MYO1B: variants seen among roughly 807,000 people sequenced by gnomAD.
MYO1B encodes myosin IB.
A neutral mutation model predicts 159.7 loss-of-function variants in MYO1B; 72 were observed. The ratio of observed to expected loss-of-function variants is 0.45; its 90% confidence interval spans 0.37 to 0.55. MYO1B has a LOEUF of 0.55. Ranked by LOEUF, MYO1B falls within the 20% of genes least tolerant of loss-of-function variation. The pLI is 0.00. For synonymous variants in MYO1B, 468 were observed against 473.8 expected (o/e 0.99, Z 0.16); for missense variants, 1,062 against 1,364.8 (o/e 0.78, Z 3.50).
intron 13 of MYO1B, among the ~76,000 whole-genome samples, chr2:191,380,362 ACCATTACATGTGGGCTCT>A (rs1373137309): frequency 6.6e-6 from 1 of 152,196 alleles, no homozygotes; most frequent in African/African-American, 2.4e-5. Context: ...CTTTGGCTGC[ACCATTACATGTGGGCTCT>A]CCTTCCTCAT....
intron 3 of MYO1B, among the ~76,000 whole-genome samples, chr2:191,299,156 C>T (rs1022477527): frequency 3.3e-5 from 5 of 152,162 alleles, no homozygotes; most frequent in African/African-American, 1.2e-4. Context: ...CCAGAATATA[C>T]ATTTTTATCC....
chr2:191,308,353 C>G (rs538743316), intron 3 of MYO1B, among the ~76,000 whole-genome samples: 11 of 152,308 alleles, frequency 7.2e-5, no homozygotes, highest in Admixed American at 2.0e-4. Flanking sequence ...TCCTGAAATA[C>G]TCGAATCCTG....
Position 191,411,497 on chromosome 2 carries a change from G to A in MYO1B, c.2873+325G>A, listed in dbSNP as rs140185708. 1.5e-3 allele frequency among the ~76,000 whole-genome samples: 222 copies of A among 152,216 alleles called. 1 individual carries two copies. Among genetic ancestry groups the A allele is most frequent in the African/African-American group, 5.3e-3 (218 of 41,522 alleles). On this transcript the variant is annotated intron_variant, in intron 27 of 30. Coordinates refer to ENST00000392318, the MANE Select transcript of MYO1B (RefSeq NM_001130158.3). The stretch of plus-strand genomic sequence containing the variant: ...CATTGTAAATTCCTGTTCCTTTTCC[G>A]TAGTTTTCAAAGACTAGCCAAATTT...
chr2:191,263,716 T>A (rs1686957264), intron 1 of MYO1B: 1 of 152,312 alleles, frequency 6.6e-6, no homozygotes, highest in East Asian at 1.9e-4. Context: ...GATTTTCCTA[T>A]AGCTTTACAG....
intron 3 of MYO1B, among the ~76,000 whole-genome samples, chr2:191,313,475 C>T (rs1248967099): frequency 2.0e-5 from 3 of 152,090 alleles, no homozygotes; most frequent in Non-Finnish European, 4.4e-5. Flanking sequence ...AGCTCCGCCT[C>T]CCGGGTTCAC....
intron 1 of MYO1B, among the ~76,000 whole-genome samples, chr2:191,251,612 C>T (rs894172320): frequency 8.6e-5 from 13 of 151,952 alleles, no homozygotes; most frequent in African/African-American, 2.2e-4. Context: ...GGCTTAAGTT[C>T]GCTGTGTTAA....
intron 29 of MYO1B, 51 bp from the exon 30 acceptor site, chr2:191,416,064 G>T: frequency 6.3e-7 from 1 of 1,575,836 alleles, no homozygotes; most frequent in South Asian, 1.2e-5. Context: ...TGTAAATATT[G>T]ACCTTCTAAG....
At chr2:191,284,037 A>T (rs1307781864) in intron 2 of MYO1B, among the ~76,000 whole-genome samples, 1 of 152,238 alleles carries the variant, frequency 6.6e-6, no homozygotes, top group Non-Finnish European at 1.5e-5. Flanking sequence ...GATAGCAGCC[A>T]TGACAATGAT....
At chr2:191,323,929 G>A (rs150386522) in intron 3 of MYO1B, among the ~76,000 whole-genome samples, 227 of 152,160 alleles carry the variant, frequency 1.5e-3, no homozygotes, top group South Asian at 3.5e-3. Flanking sequence ...AAAAATGATT[G>A]TAGCTCATTT....
At chr2:191,361,831 T>C (rs1693691615) in intron 8 of MYO1B, among the ~76,000 whole-genome samples, 1 of 151,980 alleles carries the variant, frequency 6.6e-6, no homozygotes, top group African/African-American at 2.4e-5. Context: ...AATTCAGATA[T>C]GAATCCAAAA....
At chr2:191,350,806 T>C (rs1305210536) in intron 7 of MYO1B, among the ~76,000 whole-genome samples, 1 of 127,300 alleles carries the variant, frequency 7.9e-6, no homozygotes, top group Admixed American at 8.1e-5. Context: ...TGTGAAAAGT[T>C]AAAAAAAAAA....
chr2:191,402,395 C>T, intron 23 of MYO1B: 1 of 519,830 alleles, frequency 1.9e-6, no homozygotes, highest in Non-Finnish European at 3.4e-6. Context: ...GAAATGATTA[C>T]CTTGGGAACC....
intron 3 of MYO1B, among the ~76,000 whole-genome samples, chr2:191,314,595 A>G (rs1253782537): frequency 5.9e-5 from 9 of 152,230 alleles, no homozygotes; most frequent in African/African-American, 2.2e-4. Flanking sequence ...ACTTAAGCCA[A>G]TGCAATGTTA....
chr2:191,307,719 G>C (rs184165785), intron 3 of MYO1B, among the ~76,000 whole-genome samples: 47 of 152,276 alleles, frequency 3.1e-4, no homozygotes, highest in Non-Finnish European at 6.2e-4. Flanking sequence ...TCACACTTCT[G>C]CTTAGTCAAC....
chr2:191,343,071 C>T (rs1448058118), intron 5 of MYO1B, among the ~76,000 whole-genome samples: 2 of 152,130 alleles, frequency 1.3e-5, no homozygotes, highest in Non-Finnish European at 2.9e-5. Context: ...CATCTCTGAC[C>T]TCTGTTAGCT....
chr2:191,383,129 A>G, intron 14 of MYO1B, 151 bp from the exon 15 acceptor site: 1 of 456,796 alleles, frequency 2.2e-6, no homozygotes, highest in Non-Finnish European at 3.9e-6. Flanking sequence ...AGTTTTGGGA[A>G]CTGCCTGTGA....
chr2:191,354,280 TA>T (rs1693126340), intron 7 of MYO1B, among the ~76,000 whole-genome samples: 1 of 148,576 alleles, frequency 6.7e-6, no homozygotes, highest in Non-Finnish European at 1.5e-5. Context: ...ATAATAATAA[TA>T]ATAATAATAA....
chr2:191,392,467 C>T (rs542692915), intron 19 of MYO1B, among the ~76,000 whole-genome samples: 7 of 152,100 alleles, frequency 4.6e-5, no homozygotes, highest in African/African-American at 1.7e-4. Context: ...GTTAGGACAA[C>T]GGTGCAACAT....
chr2:191,313,988 A>G (rs1446772632), intron 3 of MYO1B, among the ~76,000 whole-genome samples: 1 of 152,220 alleles, frequency 6.6e-6, no homozygotes, highest in African/African-American at 2.4e-5. Context: ...AATTTATCAC[A>G]TGGTCTCTTG....
Sources: gnomAD v4.1 joint callset for allele counts (sites outside exome capture counted in the v4.1 genomes callset) on GRCh38, gnomAD v4.1.1 for gene constraint, MANE v1.5 for transcripts, NCBI Gene and HGNC (gene_info 2026-07-23, HGNC 2026-07-21) for gene names.